Variants in DIAPH2 observed in about 807,000 individuals in gnomAD.
DIAPH2 encodes the protein protein diaphanous homolog 2.
A neutral mutation model predicts 92.7 loss-of-function variants in DIAPH2; 35 were observed. The ratio of observed to expected loss-of-function variants is 0.38; its 90% CI spans 0.29 to 0.50. The LOEUF (loss-of-function observed/expected upper bound fraction) is 0.50, where lower values mean the gene tolerates loss of function less well. Ranked by LOEUF, DIAPH2 falls within the 20% of genes least tolerant of loss-of-function variation. DIAPH2 has a pLI of 0.94. For synonymous variants in DIAPH2, 301 were observed against 280.4 expected, an observed-to-expected ratio of 1.07 and a Z score of -0.73; for missense variants, 701 against 819.5, an observed-to-expected ratio of 0.86 and a Z score of 1.77.
chrX:97,159,914 A>G (rs1569316265), intron 22 of DIAPH2, among the ~76,000 whole-genome samples: 1 of 111,368 alleles, frequency 9.0e-6, no homozygotes, highest in East Asian at 2.8e-4. Flanking sequence ...CAGATATGCT[A>G]CAGGACTGCC....
At chrX:97,262,020 A>G (rs1461306774) in intron 23 of DIAPH2, among the ~76,000 whole-genome samples, 13 of 108,461 alleles carry the variant, frequency 1.2e-4, no homozygotes, top group Non-Finnish European at 3.8e-5. Flanking sequence ...ATATTTATCA[A>G]AAAAAAGTTT....
chrX:97,145,317 G>GTAGTAGTAGTAC (rs2067238666), intron 22 of DIAPH2, among the ~76,000 whole-genome samples: 1 of 107,381 alleles, frequency 9.3e-6, no homozygotes, highest in Non-Finnish European at 1.9e-5. Flanking sequence ...AGTAGTAGTA[G>GTAGTAGTAGTAC]TAGTAGTGGT....
intron 23 of DIAPH2, among the ~76,000 whole-genome samples, chrX:97,279,045 G>A (rs191149857): frequency 1.3e-4 from 15 of 111,910 alleles, no homozygotes; most frequent in Middle Eastern, 4.6e-3. Flanking sequence ...TTGATCATCT[G>A]CTCTCATCTC....
At chrX:97,453,435 A>C (rs1199278156) in intron 26 of DIAPH2, among the ~76,000 whole-genome samples, 1 of 110,920 alleles carries the variant, frequency 9.0e-6, no homozygotes, top group Non-Finnish European at 1.9e-5. Context: ...TTTACTACTT[A>C]CTAGATGCAA....
intron 25 of DIAPH2, among the ~76,000 whole-genome samples, chrX:97,404,522 T>G (rs1021554829): frequency 5.3e-5 from 6 of 112,157 alleles, no homozygotes; most frequent in African/African-American, 1.9e-4. Flanking sequence ...TTATTAAAAG[T>G]TCAATGATTT....
At chrX:97,545,522 GAA>G (rs533114886) in intron 26 of DIAPH2, among the ~76,000 whole-genome samples, 67 of 67,000 alleles carry the variant, frequency 1.0e-3, no homozygotes, top group African/African-American at 3.2e-3. Flanking sequence ...TAAGTTTGAT[GAA>G]AAAAAAAAAA....
chrX:97,045,674 G>GA (rs202232172), intron 17 of DIAPH2, among the ~76,000 whole-genome samples: 4,785 of 110,015 alleles, frequency 0.043, 283 homozygotes, highest in African/African-American at 0.15. Context: ...ACGATCAAAT[G>GA]AATCAAATGC....
At chrX:96,976,266 C>T (rs189156345) in intron 17 of DIAPH2, among the ~76,000 whole-genome samples, 5,269 of 104,347 alleles carry the variant, frequency 0.05, 354 homozygotes, top group African/African-American at 0.17. Context: ...CCAGCCTGGG[C>T]GACAGAGCGA....
intron 5 of DIAPH2, among the ~76,000 whole-genome samples, chrX:96,891,095 C>A (rs956281132): frequency 9.0e-6 from 1 of 111,506 alleles, no homozygotes. Flanking sequence ...GACCCACCAT[C>A]AATAAAAACC....
rs1346634549 is a variant in DIAPH2 at position 96,939,484 on chromosome X, GTATGTATATATA to G, written c.1325+122_1325+133del. ...CTAAGCAATATATGCATATGTGTGT[GTATGTATATATA>G]TATGTATATATATATGTATGTATAT... On this transcript the variant is annotated intron_variant, in intron 12 of 26. Transcript: ENST00000324765. 2.3e-3 allele frequency: 341 copies of G among 145,191 alleles called. 5 individuals are homozygous for G. Among genetic ancestry groups the G allele is most frequent in the Non-Finnish European group, 3.9e-3 (291 of 73,856 alleles). 12.0% of individuals were successfully genotyped at this position (145,191 alleles called of 1,213,427 possible). A position where few individuals can be genotyped will look rare whatever the true frequency, so the allele number is the denominator to read the frequency against.
At chrX:96,729,911 C>A (rs2147560211) in intron 1 of DIAPH2, among the ~76,000 whole-genome samples, 1 of 112,093 alleles carries the variant, frequency 8.9e-6, no homozygotes, top group South Asian at 3.7e-4. Context: ...AAGATGTTAA[C>A]AATGGCAAAG....
At chrX:97,183,862 T>C (rs901866511) in intron 22 of DIAPH2, among the ~76,000 whole-genome samples, 1 of 112,262 alleles carries the variant, frequency 8.9e-6, no homozygotes, top group Non-Finnish European at 1.9e-5. Flanking sequence ...ATTATTTGTA[T>C]TTTGTAGGCT....
intron 26 of DIAPH2, among the ~76,000 whole-genome samples, chrX:97,593,382 C>T (rs1023258855): frequency 5.4e-5 from 6 of 110,425 alleles, no homozygotes; most frequent in Admixed American, 9.6e-5. Context: ...AACAGCCCAT[C>T]TCCTCTTTGT....
At chrX:97,005,908 C>CTTTTT (rs58056111) in intron 17 of DIAPH2, among the ~76,000 whole-genome samples, 23 of 68,124 alleles carry the variant, frequency 3.4e-4, no homozygotes, top group East Asian at 9.5e-4. Context: ...TGAAGTTTTT[C>CTTTTT]TTTTTTTTTT....
At chrX:96,807,944 C>CAAAAAAAAAAAAAAAAAAAAAAAA (rs541681495) in intron 4 of DIAPH2, among the ~76,000 whole-genome samples, 3 of 14,490 alleles carry the variant, frequency 2.1e-4, no homozygotes, top group Non-Finnish European at 3.6e-4. Context: ...GTAGAAATAG[C>CAAAAAAAAAAAAAAAAAAAAAAAA]AAAAAAAAAA....
intron 4 of DIAPH2, among the ~76,000 whole-genome samples, chrX:96,776,849 T>C (rs1264708512): frequency 8.9e-6 from 1 of 111,759 alleles, no homozygotes; most frequent in Non-Finnish European, 1.9e-5. Context: ...TTTTAGAAAA[T>C]GTGAGAATGC....
intron 26 of DIAPH2, among the ~76,000 whole-genome samples, chrX:97,471,168 A>G (rs2070558946): frequency 9.0e-6 from 1 of 111,336 alleles, no homozygotes; most frequent in Non-Finnish European, 1.9e-5. Context: ...TGGAGAATGC[A>G]GATGCATATT....
intron 24 of DIAPH2, among the ~76,000 whole-genome samples, chrX:97,368,981 C>T (rs2069413418): frequency 1.0e-5 from 1 of 95,630 alleles, no homozygotes; most frequent in South Asian, 5.8e-4. Flanking sequence ...TCTTGGCTCA[C>T]TGCACAACCT....
chrX:97,464,905 A>G (rs1393722635), intron 26 of DIAPH2, among the ~76,000 whole-genome samples: 1 of 111,335 alleles, frequency 9.0e-6, no homozygotes, highest in Non-Finnish European at 1.9e-5. Context: ...CTGGAGTGCA[A>G]TGGCACAATC....
Sources: allele counts gnomAD v4.1 joint callset (sites outside exome capture counted in the v4.1 genomes callset), GRCh38; gene constraint gnomAD v4.1.1; transcripts MANE v1.5; gene names NCBI Gene and HGNC (gene_info 2026-07-23, HGNC 2026-07-21).